Variants in TFAP2A observed in about 807,000 individuals in gnomAD.
The protein encoded by TFAP2A is transcription factor AP-2 alpha, also known as transcription factor AP-2-alpha.
Under a neutral mutation model 41.5 loss-of-function variants are expected in TFAP2A, and 7 were observed. The ratio of observed to expected loss-of-function variants is 0.17; its 90% CI spans 0.10 to 0.32. TFAP2A has a LOEUF of 0.32. Among genes scored for constraint, TFAP2A ranks in the 10% least tolerant of loss-of-function variants. The pLI is 1.00. For missense variants in TFAP2A, 416 were observed against 563.3 expected, an observed-to-expected ratio of 0.74 and a Z score of 2.65; for synonymous variants, 247 against 242.8, an observed-to-expected ratio of 1.02 and a Z score of -0.16.
Position 10,409,984 on chromosome 6 carries a change from G to T in TFAP2A, c.403C>A (p.Leu135Ile). The change falls in exon 2 of 7, where the codon CTC becomes ATC. Residue 135 changes from leucine (L) to isoleucine (I), a missense_variant. Leu to Ile is a conservative substitution (Grantham distance 5). This residue lies in a region of TFAP2A where 241 missense variants were observed against 274.1 expected (regional missense o/e 0.88). Coordinates refer to ENST00000379613, the MANE Select transcript of TFAP2A (RefSeq NM_001372066.1). Reference protein sequence around the residue: ...PRRDYRRHEDLLHGPHALSSG... With the variant: ...PRRDYRRHEDILHGPHALSSG... Reference sequence around the variant, plus strand: ...CTGAGCGCGTGTGGGCCGTGCAGGAGGTCCTCGTGCCGCCTGTAGTCCCTG... The same window carrying T: ...CTGAGCGCGTGTGGGCCGTGCAGGATGTCCTCGTGCCGCCTGTAGTCCCTG... The T allele has an allele frequency of 6.2e-7, 1 of 1,600,020 alleles. No homozygotes were observed. Among genetic ancestry groups the T allele is most frequent in the East Asian group, 2.3e-5 (1 of 44,058 alleles).
At chr6:10,414,515 G>A in intron 1 of TFAP2A, 1 of 322,838 alleles carries the variant, frequency 3.1e-6, no homozygotes, top group Non-Finnish European at 6.0e-6. Flanking sequence ...GAATATTAAA[G>A]ATCGGAGAGG....
chr6:10,414,796 G>T, intron 1 of TFAP2A, 145 bp downstream of exon 1: 3 of 1,097,596 alleles, frequency 2.7e-6, no homozygotes, highest in Non-Finnish European at 1.4e-6. Flanking sequence ...CGCGTTCTTC[G>T]GGCGAATCCG....
At position 10,406,830 on chromosome 6, in the gene TFAP2A, C is replaced by T. The variant is rs762057151; in HGVS notation, c.501G>A (p.Pro167=). ...CAGTTTGATCTGGGATGTTAATACC[C>T]GGGTCTTCTACATGCTGCAACAAAA... ...AIEEVPHVED[P]GINIPDQTVI... is the part of the protein sequence containing the mutation. Residue 167 remains proline, a synonymous_variant, in exon 3 of 7, where the codon CCG becomes CCA. Coordinates refer to ENST00000379613, the MANE Select transcript of TFAP2A (RefSeq NM_001372066.1). 41 of 1,613,244 alleles carry T rather than the reference C, an allele frequency of 2.5e-5. No homozygotes were observed. Among genetic ancestry groups the T allele is most frequent in the African/African-American group, 5.3e-5 (4 of 74,878 alleles).
intron 2 of TFAP2A, 42 bp downstream of exon 2, chr6:10,409,859 G>A (rs1757875597): frequency 1.3e-6 from 2 of 1,545,046 alleles, no homozygotes; most frequent in African/African-American, 2.7e-5. Context: ...TAGGTAAGTA[G>A]GGGGCTGTGT....
intron 3 of TFAP2A, 89 bp from the exon 4 acceptor site, chr6:10,404,828 G>T: frequency 1.6e-6 from 2 of 1,235,562 alleles, no homozygotes; most frequent in Non-Finnish European, 2.3e-6. Context: ...GGCCAGGGCC[G>T]GATCCCAGGC....
intron 4 of TFAP2A, among the ~76,000 whole-genome samples, chr6:10,403,980 CAA>C (rs1361616375): frequency 2.3e-4 from 35 of 152,324 alleles, no homozygotes; most frequent in African/African-American, 7.9e-4. Context: ...CGTGCGGACT[CAA>C]GAGGACAACC....
At chr6:10,403,762 G>T (rs1020027935) in intron 4 of TFAP2A, among the ~76,000 whole-genome samples, 9 of 152,128 alleles carry the variant, frequency 5.9e-5, no homozygotes, top group African/African-American at 2.2e-4. Flanking sequence ...TCTACTAAAT[G>T]AATCACTCAA....
At chr6:10,415,136 AG>A, upstream of TFAP2A, 1 of 1,550,020 alleles carries the variant, frequency 6.5e-7, no homozygotes, top group Non-Finnish European at 8.7e-7. Context: ...AGGAGGAGGG[AG>A]AGGAGGAGGG....
chr6:10,407,614 A>G (rs1476529053), intron 2 of TFAP2A: 1 of 151,964 alleles, frequency 6.6e-6, no homozygotes, highest in Non-Finnish European at 1.5e-5. Flanking sequence ...GACAGGCAAT[A>G]TAATGTCTGG....
At chr6:10,405,749 A>G (rs2763177) in intron 3 of TFAP2A, 104 of 152,322 alleles carry the variant, frequency 6.8e-4, no homozygotes, top group African/African-American at 2.4e-3. Flanking sequence ...AGTGTTCCTT[A>G]TGCGTTCTTT....
intron 3 of TFAP2A, 130 bp downstream of exon 3, chr6:10,406,663 G>T: frequency 1.3e-6 from 1 of 793,520 alleles, no homozygotes; most frequent in Non-Finnish European, 2.2e-6. Context: ...GCTGTTCTGT[G>T]CCTATCTATT....
rs75419063 is a variant in TFAP2A, at chr6:10,397,739, C to T, written c.*678G>A. 6.3e-5 allele frequency: 27 copies of T among 425,518 alleles called. No homozygotes were observed. In the East Asian group the frequency reaches 3.3e-3, roughly 52 times the overall value. The allele number at this position is 425,518 out of a possible 1,614,324, so 26.4% of individuals were successfully genotyped here. On this transcript the variant is annotated 3_prime_UTR_variant, in exon 7 of 7. Coordinates refer to ENST00000379613, the MANE Select transcript of TFAP2A (RefSeq NM_001372066.1). ...ACACATAAATAAATATATACAGAGA[C>T]GTGAACACTGATTCCCTTATATAAC...
rs1761845575 is a variant in TFAP2A at position 10,398,037 on chromosome 6, T to C, written c.*380A>G. On this transcript the variant is annotated 3_prime_UTR_variant, in exon 7 of 7. Transcript: ENST00000379613. The surrounding 1 kb of genome is among the most constrained non-coding windows in gnomAD (Gnocchi z 5.3). Reference sequence around the variant, plus strand: ...TCACTTTTTTTTTAGAAAAAAGTTTTTAATTTTTGTTGTTGTTGTTGCTGT... The same window carrying C: ...TCACTTTTTTTTTAGAAAAAAGTTTCTAATTTTTGTTGTTGTTGTTGCTGT... The C allele has an allele frequency of 3.7e-6, 4 of 1,080,784 alleles. No homozygotes were observed. The allele number at this position is 1,080,784 out of a possible 1,614,324, so 66.9% of individuals were successfully genotyped here.
At chr6:10,411,046 G>GGGCCC (rs1757940201) in intron 1 of TFAP2A, 1 of 114,768 alleles carries the variant, frequency 8.7e-6, no homozygotes, top group African/African-American at 4.1e-5. Flanking sequence ...CGGGGCTGTG[G>GGGCCC]CCCCCCCCCC....
Position 10,398,632 on chromosome 6 carries a change from T to C in TFAP2A, c.1105A>G (p.Ile369Val), listed in dbSNP as rs1418554694. 1.1e-5 allele frequency: 18 copies of C among 1,614,008 alleles called. No individual in the cohort carries two copies. Among genetic ancestry groups the C allele is most frequent in the Non-Finnish European group, 1.5e-5 (18 of 1,180,012 alleles). Residue 369 changes from isoleucine to valine, a missense_variant, in exon 7 of 7, where the codon ATC (isoleucine) becomes GTC (valine). Physicochemically the swap from Ile to Val is conservative, Grantham distance 29 (BLOSUM62 3). Around this residue, in one of 3 missense-constraint regions of TFAP2A, gnomAD observed 116 missense variants for 153.8 expected, o/e 0.75. Coordinates refer to ENST00000379613, the MANE Select transcript of TFAP2A (RefSeq NM_001372066.1). This position sits in a 1 kb window ranked among gnomAD's most constrained non-coding sequence, Gnocchi z 5.3. Reference sequence around the variant, plus strand: ...CAGCTCTGGATGCCGGGCTCCAGGATGGGGTTGGGCCGTGAGTTCCCCAGG... The same window carrying C: ...CAGCTCTGGATGCCGGGCTCCAGGACGGGGTTGGGCCGTGAGTTCCCCAGG... ...SPLGNSRPNP[I>V]LEPGIQSCLT...
intron 1 of TFAP2A, chr6:10,411,694 C>G: frequency 6.3e-7 from 1 of 1,592,084 alleles, no homozygotes; most frequent in Non-Finnish European, 8.6e-7. Flanking sequence ...ACACAAAAGG[C>G]GCCGAGAGCC....
intron 2 of TFAP2A, 155 bp downstream of exon 2, chr6:10,409,746 A>G: frequency 1.1e-6 from 1 of 934,946 alleles, no homozygotes; most frequent in Non-Finnish European, 1.6e-6. Flanking sequence ...GTGGTTCCTC[A>G]AAACGTCCCT....
intron 2 of TFAP2A, chr6:10,407,118 AT>A (rs1757749766): frequency 2.0e-6 from 1 of 494,544 alleles, no homozygotes; most frequent in Admixed American, 3.4e-5. Context: ...TTCTTTGGAA[AT>A]TAAATCAAGT....
At chr6:10,399,322 T>C (rs531035130) in intron 6 of TFAP2A, among the ~76,000 whole-genome samples, 1 of 152,366 alleles carries the variant, frequency 6.6e-6, no homozygotes, top group Non-Finnish European at 1.5e-5. Flanking sequence ...TACTTGGAGA[T>C]AATTCAAAGT....
Sources: allele counts gnomAD v4.1 joint callset (sites outside exome capture counted in the v4.1 genomes callset), GRCh38; gene constraint gnomAD v4.1.1; regional missense constraint gnomAD v4.1.1; non-coding constraint Gnocchi (gnomAD v3.1); transcripts MANE v1.5; gene names NCBI Gene and HGNC (gene_info 2026-07-23, HGNC 2026-07-21).